NR5A2: variants seen among roughly 807,000 people sequenced by gnomAD.
The protein encoded by NR5A2 is CYP7A promoter-binding factor.
In NR5A2, 26 loss-of-function variants were observed where a neutral mutation model predicts 62.7. That is an observed-to-expected ratio of 0.41 (90% CI 0.30 to 0.58). The LOEUF is 0.58. Ranked by LOEUF, NR5A2 falls within the 20% of genes least tolerant of loss-of-function variation. The pLI, the probability that NR5A2 is intolerant of heterozygous loss-of-function variation, is 0.22. For missense variants in NR5A2, 541 were observed against 669.1 expected, an observed-to-expected ratio of 0.81 and a Z score of 2.11; for synonymous variants, 246 against 241.7, an observed-to-expected ratio of 1.02 and a Z score of -0.16.
chr1:200,057,990 G>A (rs1423419045), intron 5 of NR5A2: 1 of 151,574 alleles, frequency 6.6e-6, no homozygotes, highest in Non-Finnish European at 1.5e-5. Flanking sequence ...TAGAAACAAG[G>A]TTTCACCATG....
chr1:200,171,737 G>A (rs1654189804), intron 7 of NR5A2, among the ~76,000 whole-genome samples: 1 of 152,136 alleles, frequency 6.6e-6, no homozygotes, highest in Non-Finnish European at 1.5e-5. Flanking sequence ...AACAGAGCAA[G>A]ACTCTGTCTC....
chr1:200,114,233 TACAC>T (rs370388020), intron 6 of NR5A2, among the ~76,000 whole-genome samples: 54 of 106,166 alleles, frequency 5.1e-4, no homozygotes, highest in Non-Finnish European at 7.7e-4. Context: ...TATATATATA[TACAC>T]ACACACACAT....
At chr1:200,031,571 CTTTTTTTTTTT>C (rs530174677) in intron 1 of NR5A2, among the ~76,000 whole-genome samples, 1,288 of 89,624 alleles carry the variant, frequency 0.014, 34 homozygotes, top group African/African-American at 0.059. Context: ...TCTTTAACAC[CTTTTTTTTTTT>C]TTTTTTTTTT....
chr1:200,078,166 G>A (rs951843115), intron 5 of NR5A2, among the ~76,000 whole-genome samples: 3 of 152,110 alleles, frequency 2.0e-5, no homozygotes, highest in African/African-American at 2.4e-5. Context: ...ACATATCTAC[G>A]TTAGAAATTT....
chr1:200,076,758 A>T (rs1664058858), intron 5 of NR5A2, among the ~76,000 whole-genome samples: 1 of 152,150 alleles, frequency 6.6e-6, no homozygotes, highest in Non-Finnish European at 1.5e-5. Context: ...AATAATTTGG[A>T]GGTTTGGAGA....
chr1:200,066,100 C>A (rs1208822366), intron 5 of NR5A2, among the ~76,000 whole-genome samples: 1 of 151,958 alleles, frequency 6.6e-6, no homozygotes, highest in Non-Finnish European at 1.5e-5. Context: ...GCACTGGCTG[C>A]AGATGGGAAA....
In NR5A2 at chr1:200,041,746, C is replaced by A. The variant is rs72739175; in HGVS notation, c.202+1951C>A. On this transcript the variant is annotated intron_variant, in intron 2 of 7. Coordinates refer to ENST00000367362, the MANE Select transcript of NR5A2 (RefSeq NM_205860.3). The stretch of plus-strand genomic sequence containing the variant: ...TGGGAAACTCTGAAAGGTGCCCAGG[C>A]CTCACACAGCAGCGTCTCCCTACTC... 5.9e-5 allele frequency among the ~76,000 whole-genome samples: 9 copies of A among 152,164 alleles called. No individual in the cohort carries two copies. In the South Asian group the frequency reaches 1.9e-3, roughly 32 times the overall value.
chr1:200,156,559 C>T (rs932886557), intron 7 of NR5A2, among the ~76,000 whole-genome samples: 26 of 152,148 alleles, frequency 1.7e-4, no homozygotes, highest in African/African-American at 6.0e-4. Flanking sequence ...CCACCACACC[C>T]GGCTAATTTT....
chr1:200,050,152 G>C (rs979947568), intron 5 of NR5A2, among the ~76,000 whole-genome samples: 5 of 152,162 alleles, frequency 3.3e-5, no homozygotes, highest in African/African-American at 9.7e-5. Context: ...CCGAGTATGT[G>C]TTAGGGTTTG....
intron 5 of NR5A2, among the ~76,000 whole-genome samples, chr1:200,068,663 G>C (rs1663608382): frequency 6.6e-6 from 1 of 152,096 alleles, no homozygotes; most frequent in Non-Finnish European, 1.5e-5. Flanking sequence ...ATTAGACCTG[G>C]AGCATACACA....
intron 5 of NR5A2, among the ~76,000 whole-genome samples, chr1:200,091,780 G>A (rs969009831): frequency 1.3e-5 from 2 of 152,130 alleles, no homozygotes; most frequent in African/African-American, 4.8e-5. Context: ...ACTGCACCTG[G>A]CCCCCTTTGC....
intron 7 of NR5A2, among the ~76,000 whole-genome samples, chr1:200,132,512 C>T (rs1431550613): frequency 6.6e-6 from 1 of 152,198 alleles, no homozygotes; most frequent in Non-Finnish European, 1.5e-5. Flanking sequence ...GCACGTTCCA[C>T]ACACATGCTA....
intron 1 of NR5A2, chr1:200,029,567 C>G (rs1020199623): frequency 3.3e-5 from 5 of 152,430 alleles, no homozygotes; most frequent in African/African-American, 1.2e-4. Context: ...AACCGGAGGA[C>G]TGTCGGTCCA....
At chr1:200,150,788 T>C (rs1653052438) in intron 7 of NR5A2, among the ~76,000 whole-genome samples, 2 of 152,180 alleles carry the variant, frequency 1.3e-5, no homozygotes, top group South Asian at 4.1e-4. Flanking sequence ...TTTCCAACCA[T>C]GTCTCTAATC....
intron 7 of NR5A2, among the ~76,000 whole-genome samples, chr1:200,134,970 C>T (rs529540668): frequency 2.6e-5 from 4 of 152,288 alleles, no homozygotes; most frequent in East Asian, 1.9e-4. Flanking sequence ...CCCCTGCAGC[C>T]GTCATTCTGT....
At chr1:200,101,233 T>G (rs1241324109) in intron 5 of NR5A2, among the ~76,000 whole-genome samples, 2 of 152,190 alleles carry the variant, frequency 1.3e-5, no homozygotes, top group Non-Finnish European at 2.9e-5. Context: ...ATAAGTTCCT[T>G]GAGGATAACA....
At chr1:200,173,207 C>T (rs886180824) in intron 7 of NR5A2, among the ~76,000 whole-genome samples, 1 of 152,142 alleles carries the variant, frequency 6.6e-6, no homozygotes, top group African/African-American at 2.4e-5. Flanking sequence ...AATGCCTTTG[C>T]TCATCTTCTC....
At chr1:200,031,191 C>G (rs1210140334) in intron 1 of NR5A2, among the ~76,000 whole-genome samples, 1 of 152,046 alleles carries the variant, frequency 6.6e-6, no homozygotes, top group Non-Finnish European at 1.5e-5. Flanking sequence ...CCTGGATCCA[C>G]AGGTAGTGAC....
At chr1:200,135,520 C>G (rs1429790672) in intron 7 of NR5A2, among the ~76,000 whole-genome samples, 1 of 137,636 alleles carries the variant, frequency 7.3e-6, no homozygotes, top group Non-Finnish European at 1.5e-5. Flanking sequence ...AACTTCATCT[C>G]CAAAAAAAAA....
Sources: allele counts gnomAD v4.1 joint callset (sites outside exome capture counted in the v4.1 genomes callset), GRCh38; gene constraint gnomAD v4.1.1; transcripts MANE v1.5; gene names NCBI Gene and HGNC (gene_info 2026-07-23, HGNC 2026-07-21).